The following CADPS variants were observed in gnomAD, a reference collection of about 807,000 sequenced individuals.
CADPS encodes the protein calcium dependent secretion activator.
Under a neutral mutation model 167.3 loss-of-function variants are expected in CADPS, and 57 were observed. The observed-to-expected ratio is 0.34, with a 90% confidence interval of 0.28 to 0.42. The LOEUF (loss-of-function observed/expected upper bound fraction) is 0.42. Ranked by LOEUF, CADPS falls within the 20% of genes least tolerant of loss-of-function variation. The pLI, the probability that CADPS is intolerant of heterozygous loss-of-function variation, is 1.00. For synonymous variants in CADPS, 676 were observed against 635.3 expected, an observed-to-expected ratio of 1.06 and a Z score of -0.96; for missense variants, 1,414 against 1,738.1, an observed-to-expected ratio of 0.81 and a Z score of 3.32.
In CADPS at chr3:62,752,544, G is replaced by T. The variant is rs115909626; in HGVS notation, c.888+897C>A. Among the ~76,000 whole-genome samples the T allele has an allele frequency of 9.1e-3, 1,379 of 152,258 alleles. 9 individuals carry two copies. Among genetic ancestry groups the T allele is most frequent in the Non-Finnish European group, 0.015 (1,039 of 68,026 alleles). On this transcript the variant is annotated intron_variant, in intron 3 of 29. Coordinates refer to ENST00000383710, the MANE Select transcript of CADPS (RefSeq NM_003716.4). ...TATTAATTCGATAAACATTTACTGA[G>T]CATTCACTCTGTGCCAAGATTTTAT...
At chr3:62,866,225 A>T (rs562823996) in intron 1 of CADPS, among the ~76,000 whole-genome samples, 2 of 152,218 alleles carry the variant, frequency 1.3e-5, no homozygotes, top group African/African-American at 4.8e-5. Flanking sequence ...TGTTTCTGTA[A>T]CATAACTTAT....
At chr3:62,494,584 A>C (rs921285673) in intron 18 of CADPS, among the ~76,000 whole-genome samples, 4 of 152,166 alleles carry the variant, frequency 2.6e-5, no homozygotes, top group African/African-American at 9.7e-5. Context: ...GGAAAAAACA[A>C]AACAAAACAA....
intron 3 of CADPS, among the ~76,000 whole-genome samples, chr3:62,707,039 G>A (rs1189113335): frequency 6.6e-6 from 1 of 152,020 alleles, no homozygotes; most frequent in Admixed American, 6.5e-5. Flanking sequence ...TCTATTACCG[G>A]AAGTTAGGAC....
At chr3:62,503,682 A>C (rs928900942) in intron 17 of CADPS, among the ~76,000 whole-genome samples, 1 of 152,202 alleles carries the variant, frequency 6.6e-6, no homozygotes, top group Non-Finnish European at 1.5e-5. Flanking sequence ...TGTGGGTTGA[A>C]TCATATATAA....
intron 20 of CADPS, 94 bp from the exon 21 acceptor site, chr3:62,491,574 C>CAA (rs374070723): frequency 1.0e-6 from 1 of 979,364 alleles, no homozygotes; most frequent in African/African-American, 1.7e-5. Flanking sequence ...CACACACACA[C>CAA]ACACACACAC....
At chr3:62,719,179 G>T (rs542794540) in intron 3 of CADPS, among the ~76,000 whole-genome samples, 3 of 152,306 alleles carry the variant, frequency 2.0e-5, no homozygotes, top group Middle Eastern at 6.8e-3. Context: ...CCTAGCCCCT[G>T]CCTGCCTTTC....
At chr3:62,782,452 C>T (rs984882933) in intron 1 of CADPS, among the ~76,000 whole-genome samples, 7 of 152,182 alleles carry the variant, frequency 4.6e-5, no homozygotes, top group South Asian at 2.1e-4. Context: ...TTCTAGTTGA[C>T]GATCATGAGG....
At chr3:62,728,905 G>A (rs2077232340) in intron 3 of CADPS, among the ~76,000 whole-genome samples, 1 of 151,858 alleles carries the variant, frequency 6.6e-6, no homozygotes, top group Non-Finnish European at 1.5e-5. Flanking sequence ...AATTTGGAAT[G>A]AAATCCGGAA....
In CADPS at chr3:62,399,609, A is replaced by T; in HGVS notation, c.3883-24T>A. On this transcript the variant is annotated intron_variant, in intron 29 of 29. Coordinates refer to ENST00000383710, the MANE Select transcript of CADPS (RefSeq NM_003716.4). This position sits in a 1 kb window ranked among gnomAD's most constrained non-coding sequence, Gnocchi z 5.6. ...TTCTAAGGAAGGAAAAGATACAGTGATAAGAGAGATCTCATCTCCATGATG... is the reference window on the plus strand; with the variant it reads ...TTCTAAGGAAGGAAAAGATACAGTGTTAAGAGAGATCTCATCTCCATGATG... 1 of 1,563,306 alleles carries T rather than the reference A, an allele frequency of 6.4e-7. No homozygotes were observed. The highest frequency in any genetic ancestry group is 8.8e-7 in the Non-Finnish European group (1 of 1,136,752).
chr3:62,512,663 AC>A, intron 17 of CADPS, 87 bp downstream of exon 17: 1 of 978,644 alleles, frequency 1.0e-6, no homozygotes. Flanking sequence ...GGGAGTACAA[AC>A]CTTAAGGAGC....
In CADPS at chr3:62,622,068, C is replaced by T. The variant is rs368958777; in HGVS notation, c.1325+23654G>A. Among the ~76,000 whole-genome samples the T allele has an allele frequency of 4.6e-5, 7 of 152,248 alleles. No individual in the cohort carries two copies. In the South Asian group the frequency reaches 1.2e-3, roughly 27 times the overall value. On this transcript the variant is annotated intron_variant, in intron 6 of 29. Coordinates refer to ENST00000383710, the MANE Select transcript of CADPS (RefSeq NM_003716.4). ...TAAATCCAGCCCTTGCTCATCTCCT[C>T]TTGCATTCAAACTTCTCATGCATAT...
chr3:62,823,594 A>C (rs533067782), intron 1 of CADPS, among the ~76,000 whole-genome samples: 2 of 152,334 alleles, frequency 1.3e-5, no homozygotes, highest in Non-Finnish European at 1.5e-5. Context: ...GCGTATCTCC[A>C]GGATTAAAAT....
At chr3:62,775,089 G>GT (rs1163065692) in intron 1 of CADPS, among the ~76,000 whole-genome samples, 1 of 151,928 alleles carries the variant, frequency 6.6e-6, no homozygotes, top group African/African-American at 2.4e-5. Context: ...TCAGGCTGGA[G>GT]TGCATAGGTG....
At chr3:62,578,377 G>A (rs1014198753) in intron 8 of CADPS, among the ~76,000 whole-genome samples, 1 of 151,954 alleles carries the variant, frequency 6.6e-6, no homozygotes. Context: ...TTGGGAGGCT[G>A]AGGCAGGCAG....
intron 6 of CADPS, among the ~76,000 whole-genome samples, chr3:62,605,586 T>A (rs1221413341): frequency 2.0e-5 from 3 of 152,114 alleles, no homozygotes; most frequent in African/African-American, 4.8e-5. Flanking sequence ...GGATTAAGAG[T>A]GCAGGCTCTG....
chr3:62,729,194 T>C (rs75577297), intron 3 of CADPS, among the ~76,000 whole-genome samples: 14,277 of 151,870 alleles, frequency 0.094, 814 homozygotes, highest in South Asian at 0.17. Flanking sequence ...AGGACCCAAA[T>C]TGATGCGGAG....
At chr3:62,612,887 T>C (rs1370599300) in intron 6 of CADPS, among the ~76,000 whole-genome samples, 1 of 152,210 alleles carries the variant, frequency 6.6e-6, no homozygotes, top group East Asian at 1.9e-4. Context: ...TTCTGGGCGC[T>C]GGCAAGACTC....
In CADPS at chr3:62,518,324, G is replaced by C. The variant is rs554667576; in HGVS notation, c.2292-74C>G. ...CATCAAATCAAATCTCTAGCAGGAGGAAACTGTCCATTTTAGAAGAAACAA... is the reference window on the plus strand; with the variant it reads ...CATCAAATCAAATCTCTAGCAGGAGCAAACTGTCCATTTTAGAAGAAACAA... On this transcript the variant is annotated intron_variant, in intron 13 of 29. Coordinates refer to ENST00000383710, the MANE Select transcript of CADPS (RefSeq NM_003716.4). 9 of 1,109,898 alleles carry C rather than the reference G, an allele frequency of 8.1e-6. No homozygotes were observed. In the South Asian group the frequency reaches 1.1e-4, roughly 13 times the overall value. 68.8% of individuals were successfully genotyped at this position (1,109,898 alleles called of 1,614,324 possible). A position where few individuals can be genotyped will look rare whatever the true frequency, so the allele number is the denominator to read the frequency against.
At chr3:62,763,332 T>C (rs892869586) in intron 2 of CADPS, among the ~76,000 whole-genome samples, 1 of 152,102 alleles carries the variant, frequency 6.6e-6, no homozygotes, top group Non-Finnish European at 1.5e-5. Flanking sequence ...GTCTTCCACA[T>C]GGAGAGAAGC....
Sources: gnomAD v4.1 joint callset for allele counts (sites outside exome capture counted in the v4.1 genomes callset) on GRCh38, gnomAD v4.1.1 for gene constraint, Gnocchi (gnomAD v3.1) non-coding constraint, MANE v1.5 for transcripts, NCBI Gene and HGNC (gene_info 2026-07-23, HGNC 2026-07-21) for gene names.